DGKB: variants seen among roughly 807,000 people sequenced by gnomAD.
DGKB encodes the protein 90 kDa diacylglycerol kinase.
DGKB carries 67 observed loss-of-function variants against 114.3 expected under a neutral mutation model. The observed-to-expected ratio is 0.59, with a 90% CI of 0.48 to 0.72. The LOEUF is 0.72. DGKB is among the 30% of genes least tolerant of loss of function. The pLI, the probability that DGKB is intolerant of heterozygous loss-of-function variation, is 0.00. For synonymous variants in DGKB, 398 were observed against 323.1 expected (o/e 1.23, Z -2.49); for missense variants, 907 against 975.2 (o/e 0.93, Z 0.93).
At chr7:14,185,810 G>C (rs1783335663) in intron 23 of DGKB, among the ~76,000 whole-genome samples, 1 of 152,164 alleles carries the variant, frequency 6.6e-6, no homozygotes, top group Non-Finnish European at 1.5e-5. Flanking sequence ...TAATTGGCTA[G>C]CCACATCTAG....
intron 20 of DGKB, among the ~76,000 whole-genome samples, chr7:14,497,302 A>AT (rs1383683737): frequency 6.6e-6 from 1 of 151,836 alleles, no homozygotes; most frequent in African/African-American, 2.4e-5. Flanking sequence ...ATTCACCCAC[A>AT]TAACGAAAAA....
intron 1 of DGKB, among the ~76,000 whole-genome samples, chr7:14,926,214 GA>G (rs1379075043): frequency 6.6e-6 from 1 of 151,800 alleles, no homozygotes; most frequent in Non-Finnish European, 1.5e-5. Context: ...TGTTTTAAGA[GA>G]TCTTATCACT....
chr7:14,824,684 G>C (rs963899511), intron 2 of DGKB, among the ~76,000 whole-genome samples: 2 of 151,934 alleles, frequency 1.3e-5, no homozygotes, highest in African/African-American at 4.8e-5. Context: ...TCCAAGGTGA[G>C]TTACATGAGA....
At chr7:14,911,467 C>T (rs1353796612) in intron 1 of DGKB, among the ~76,000 whole-genome samples, 1 of 151,686 alleles carries the variant, frequency 6.6e-6, no homozygotes, top group Non-Finnish European at 1.5e-5. Flanking sequence ...CTATAAGTAC[C>T]AGGACTCTCA....
chr7:14,967,473 A>G (rs1787220818), intron 1 of DGKB, among the ~76,000 whole-genome samples: 1 of 151,858 alleles, frequency 6.6e-6, no homozygotes, highest in Non-Finnish European at 1.5e-5. Context: ...GGCATGCACC[A>G]CCACGCCTGA....
At chr7:14,196,102 A>G (rs1784985343) in intron 23 of DGKB, among the ~76,000 whole-genome samples, 1 of 152,106 alleles carries the variant, frequency 6.6e-6, no homozygotes, top group Non-Finnish European at 1.5e-5. Context: ...GCTGAGTTCA[A>G]GGCTCTGCAC....
chr7:14,174,130 TCA>T (rs1274792655), intron 25 of DGKB, among the ~76,000 whole-genome samples: 1 of 152,084 alleles, frequency 6.6e-6, no homozygotes, highest in African/African-American at 2.4e-5. Flanking sequence ...TTACCAAAGG[TCA>T]CACACTCTGG....
chr7:14,427,076 C>G (rs911009888), intron 21 of DGKB, among the ~76,000 whole-genome samples: 1 of 151,650 alleles, frequency 6.6e-6, no homozygotes, highest in African/African-American at 2.4e-5. Flanking sequence ...CAAGGGGGAA[C>G]ACACACTGGG....
chr7:14,890,191 T>C (rs1355637139), intron 1 of DGKB, among the ~76,000 whole-genome samples: 1 of 151,530 alleles, frequency 6.6e-6, no homozygotes, highest in African/African-American at 2.4e-5. Flanking sequence ...ACTGAGTATA[T>C]TTTTTAGGTC....
intron 1 of DGKB, among the ~76,000 whole-genome samples, chr7:14,941,472 T>C (rs2128254881): frequency 6.6e-6 from 1 of 152,246 alleles, no homozygotes; most frequent in East Asian, 1.9e-4. Context: ...CTGAGGTCCA[T>C]GGACTTTCAG....
chr7:14,537,428 A>ATCGTGATTGTCAATGG (rs1792685463), intron 20 of DGKB, among the ~76,000 whole-genome samples: 1 of 152,200 alleles, frequency 6.6e-6, no homozygotes, highest in South Asian at 2.1e-4. Context: ...GTACTGACAT[A>ATCGTGATTGTCAATGG]AAGACAGATC....
intron 12 of DGKB, among the ~76,000 whole-genome samples, chr7:14,680,019 T>C (rs1165249654): frequency 6.6e-6 from 1 of 151,938 alleles, no homozygotes; most frequent in African/African-American, 2.4e-5. Context: ...TTTGCACAAG[T>C]TGTGTTTTAT....
chr7:14,546,343 A>G (rs1366817537), intron 20 of DGKB, among the ~76,000 whole-genome samples: 1 of 152,132 alleles, frequency 6.6e-6, no homozygotes, highest in Non-Finnish European at 1.5e-5. Context: ...TATGCAGAAC[A>G]TATTCCCTGT....
intron 1 of DGKB, among the ~76,000 whole-genome samples, chr7:14,958,841 G>A (rs9648193): frequency 0.13 from 20,200 of 151,984 alleles, 2,159 homozygotes; most frequent in East Asian, 0.61. Flanking sequence ...CTCCGTGGGA[G>A]CCTCCCTTAA....
intron 23 of DGKB, among the ~76,000 whole-genome samples, chr7:14,211,289 A>ATTTTACTCTCATGTTT (rs1562626892): frequency 0.011 from 1,187 of 107,074 alleles, 285 homozygotes; most frequent in African/African-American, 0.066. Context: ...AGCCTCTACT[A>ATTTTACTCTCATGTTT]TGTGATATTT....
chr7:14,748,498 A>T (rs961709508), intron 4 of DGKB, among the ~76,000 whole-genome samples: 14 of 152,154 alleles, frequency 9.2e-5, no homozygotes, highest in African/African-American at 2.7e-4. Flanking sequence ...AGGTATAATG[A>T]TGCCCCTGTG....
Position 14,742,158 on chromosome 7 carries a change from G to C in DGKB, c.169-5964C>G, listed in dbSNP as rs548513677. Among the ~76,000 whole-genome samples the C allele has an allele frequency of 3.9e-5, 6 of 152,238 alleles. No homozygotes were observed. In the South Asian group the frequency reaches 1.2e-3, roughly 32 times the overall value. On this transcript the variant is annotated intron_variant, in intron 4 of 25. Coordinates refer to ENST00000402815, the MANE Select transcript of DGKB (RefSeq NM_001350709.2). The stretch of plus-strand genomic sequence containing the variant: ...GAACCCCAGTAATTAGAGGCAGATA[G>C]ATCCCTTTCAAAATCTGTTTTTGTC...
intron 1 of DGKB, among the ~76,000 whole-genome samples, chr7:14,856,908 C>T (rs1191721846): frequency 6.6e-6 from 1 of 152,124 alleles, no homozygotes; most frequent in Non-Finnish European, 1.5e-5. Flanking sequence ...ATGGGGAACA[C>T]ACCTTAGGGT....
At chr7:14,627,330 C>G (rs982433571) in intron 14 of DGKB, among the ~76,000 whole-genome samples, 2 of 152,024 alleles carry the variant, frequency 1.3e-5, no homozygotes, top group African/African-American at 4.8e-5. Flanking sequence ...GGGTGTTAGT[C>G]ACTTCCTACA....
Sources: allele counts gnomAD v4.1 joint callset (sites outside exome capture counted in the v4.1 genomes callset), GRCh38; gene constraint gnomAD v4.1.1; transcripts MANE v1.5; gene names NCBI Gene and HGNC (gene_info 2026-07-23, HGNC 2026-07-21).